The following DNAH17 variants were observed in gnomAD, a reference collection of about 807,000 sequenced individuals.
DNAH17 encodes the protein axonemal beta dynein heavy chain 17.
Under a neutral mutation model 485.6 loss-of-function variants are expected in DNAH17, and 376 were observed. The ratio of observed to expected loss-of-function variants is 0.77; its 90% CI spans 0.71 to 0.84. The LOEUF (loss-of-function observed/expected upper bound fraction) is 0.84, where lower values mean the gene tolerates loss of function less well. Ranked by LOEUF, DNAH17 falls within the 40% of genes least tolerant of loss-of-function variation. The probability of loss-of-function intolerance (pLI) is 0.00; values close to 1 mark genes in which losing one functional copy is unlikely to be tolerated. For synonymous variants in DNAH17, 3,031 were observed against 2,405.9 expected, an observed-to-expected ratio of 1.26 and a Z score of -7.60; for missense variants, 6,370 against 5,839.3, an observed-to-expected ratio of 1.09 and a Z score of -2.96.
chr17:78,503,344 A>T (rs1463503513), intron 31 of DNAH17, among the ~76,000 whole-genome samples: 4 of 129,390 alleles, frequency 3.1e-5, no homozygotes, highest in South Asian at 2.6e-4. Flanking sequence ...CACTCCCGGC[A>T]TTTTTTTTTT....
chr17:78,575,218 G>T, intron 1 of DNAH17, 136 bp from the exon 2 acceptor site: 1 of 699,606 alleles, frequency 1.4e-6, no homozygotes, highest in Non-Finnish European at 2.3e-6. Flanking sequence ...GCAGTTTTTA[G>T]CTGTGGTTGG....
At chr17:78,574,587 C>T (rs2092406945) in intron 2 of DNAH17, 126 bp downstream of exon 2, 1 of 825,428 alleles carries the variant, frequency 1.2e-6, no homozygotes, top group African/African-American at 1.7e-5. Context: ...GCCTGCATTT[C>T]CAATCCCTCC....
intron 16 of DNAH17, among the ~76,000 whole-genome samples, chr17:78,550,239 G>A (rs985340948): frequency 9.3e-6 from 1 of 108,042 alleles, no homozygotes; most frequent in African/African-American, 3.6e-5. Flanking sequence ...CACACGTCTG[G>A]ACACTTTGGT....
chr17:78,546,581 T>G (rs999740592), intron 16 of DNAH17, among the ~76,000 whole-genome samples: 3 of 152,196 alleles, frequency 2.0e-5, no homozygotes, highest in African/African-American at 4.8e-5. Context: ...TTAAGTTTAT[T>G]AAGTCTTTTA....
At chr17:78,480,298 C>G (rs111497361) in intron 49 of DNAH17, among the ~76,000 whole-genome samples, 4,752 of 151,928 alleles carry the variant, frequency 0.031, 231 homozygotes, top group African/African-American at 0.1. Context: ...GCAGTGAGCT[C>G]AGATCACACC....
intron 75 of DNAH17, among the ~76,000 whole-genome samples, chr17:78,432,703 G>A (rs571532538): frequency 6.6e-6 from 1 of 152,326 alleles, no homozygotes; most frequent in Middle Eastern, 3.4e-3. Context: ...GCATGCCTGG[G>A]GCTTAGTGGC....
At chr17:78,472,741 C>A (rs1045893749) in intron 54 of DNAH17, 1 of 454,960 alleles carries the variant, frequency 2.2e-6, no homozygotes, top group Non-Finnish European at 4.4e-6. Flanking sequence ...CCTCGCTGGC[C>A]CTGGTTTCCC....
rs374792858 is a variant in DNAH17, at chr17:78,492,633, C to G, written c.6541G>C (p.Gly2181Arg). Residue 2181 changes from glycine (G) to arginine (R), a missense_variant and splice_region_variant, in exon 42 of 81, where the codon GGC (glycine) becomes CGC (arginine). Gly to Arg is a moderately radical substitution (Grantham distance 125). Transcript: ENST00000389840. ...INPVTREWKD[G>R]LFSTIMRDLA... ...CCTGTCCCGGGACCACCCTCGTTAC[C>G]ATCTTTCCATTCCCTGGTCACTGGG... 3 of 1,613,566 alleles carry G rather than the reference C, an allele frequency of 1.9e-6. No individual in the cohort carries two copies. The highest frequency in any genetic ancestry group is 2.5e-6 in the Non-Finnish European group (3 of 1,179,744).
chr17:78,494,771 G>A lies in DNAH17; in HGVS notation c.6092C>T (p.Ala2031Val). The change falls in exon 40 of 81, where the codon GCC (alanine) becomes GTC (valine). Residue 2031 changes from alanine (A) to valine (V), a missense_variant. Ala to Val is a moderately conservative substitution (Grantham distance 64). Transcript: ENST00000389840. The stretch of plus-strand genomic sequence containing the variant: ...GGGGTCGCCCCTCTTCAGGGAGCCG[G>A]CCACCACCAGCACAGACTTGATGGC... ...LRAIKSVLVV[A>V]GSLKRGDPSR... The A allele has an allele frequency of 6.2e-7, 1 of 1,613,136 alleles. No individual in the cohort carries two copies. Among genetic ancestry groups the A allele is most frequent in the East Asian group, 2.2e-5 (1 of 44,884 alleles).
chr17:78,575,037 G>T lies in DNAH17; in HGVS notation c.21C>A (p.Val7=), dbSNP rs1397492256. The T allele has an allele frequency of 1.9e-6, 3 of 1,613,250 alleles. No individual in the cohort carries two copies. Among genetic ancestry groups the T allele is most frequent in the Non-Finnish European group, 2.5e-6 (3 of 1,179,608 alleles). MTMAPD[V]RLEYLEEVAS... is the part of the protein sequence containing the mutation. ...CAACTTCCTCCAGATACTCTAGTCTGACGTCCGGGGCCATTGTCATCTTGG... is the reference window on the plus strand; with the variant it reads ...CAACTTCCTCCAGATACTCTAGTCTTACGTCCGGGGCCATTGTCATCTTGG... Residue 7 remains valine (V), a synonymous_variant, in exon 2 of 81, where the codon GTC becomes GTA. Transcript: ENST00000389840.
rs566434807 is a variant in DNAH17 at position 78,437,884 on chromosome 17, G to C, written c.11806-16C>G. The C allele has an allele frequency of 6.3e-7, 1 of 1,591,666 alleles. No individual in the cohort carries two copies. Among genetic ancestry groups the C allele is most frequent in the Non-Finnish European group, 8.6e-7 (1 of 1,164,968 alleles). On this transcript the variant is annotated splice_polypyrimidine_tract_variant and intron_variant, in intron 73 of 80. Transcript: ENST00000389840. Reference sequence around the variant, plus strand: ...GGTGGATATTCTGCAGCCAAGACTAGAGGCTGGTTACACACTTTGCCCAGC... The same window carrying C: ...GGTGGATATTCTGCAGCCAAGACTACAGGCTGGTTACACACTTTGCCCAGC...
chr17:78,548,505 C>T lies in DNAH17; in HGVS notation c.2391+3030G>A, dbSNP rs145785762. Among the ~76,000 whole-genome samples the T allele has an allele frequency of 4.5e-3, 690 of 152,248 alleles. 8 individuals carry two copies. Among genetic ancestry groups the T allele is most frequent in the African/African-American group, 0.015 (605 of 41,548 alleles). On this transcript the variant is annotated intron_variant, in intron 16 of 80. Coordinates refer to ENST00000389840, the MANE Select transcript of DNAH17 (RefSeq NM_173628.4). ...ACGCATGAGCCACTGCACCCGGCCA[C>T]GGCCTTTTTAATTTAAGAAAAAATG... is the stretch of plus-strand genomic sequence containing the variant.
rs758125130 is a variant in DNAH17, at chr17:78,485,970, A to T, written c.7265T>A (p.Val2422Asp). The change falls in exon 46 of 81, where the codon GTC becomes GAC. Residue 2422 changes from valine (V) to aspartate (D), a missense_variant. Transcript: ENST00000389840. ...KVPSFELDPD[V>D]PLQASLVHTT... ...TTTGGGGACAGTTACCTGCAGTGGG[A>T]CATCGGGATCCAGCTCAAAGGAGGG... is the stretch of plus-strand genomic sequence containing the variant. 6 of 1,612,014 alleles carry T rather than the reference A, an allele frequency of 3.7e-6. No homozygotes were observed. The African/African-American group carries it at 6.7e-5, about 18-fold the overall frequency.
At position 78,505,401 on chromosome 17, in the gene DNAH17, C is replaced by T. The variant is rs748182182; in HGVS notation, c.4848G>A (p.Leu1616=). The T allele has an allele frequency of 6.2e-7, 1 of 1,614,006 alleles. No individual in the cohort carries two copies. The highest frequency in any genetic ancestry group is 1.3e-5 in the African/African-American group (1 of 75,048). The change falls in exon 31 of 81, where the codon CTG becomes CTA. Residue 1616 remains leucine (L), a synonymous_variant. Coordinates refer to ENST00000389840, the MANE Select transcript of DNAH17 (RefSeq NM_173628.4). ...TGTCACTGGCATCGAGCCGGAACTT[C>T]AGTTTACACAGGCTATCGAAGAGTT... ...LSKLFDSLCK[L]KFRLDASDKP...
At chr17:78,537,793 T>C (rs2091417460) in intron 18 of DNAH17, among the ~76,000 whole-genome samples, 1 of 152,230 alleles carries the variant, frequency 6.6e-6, no homozygotes, top group Non-Finnish European at 1.5e-5. Flanking sequence ...GGGAGTCACT[T>C]AACTCCCAGT....
Position 78,574,663 on chromosome 17 carries a change from G to A in DNAH17, c.345+50C>T, listed in dbSNP as rs371804761. 2.1e-4 allele frequency: 317 copies of A among 1,508,368 alleles called. 3 individuals carry two copies. In the South Asian group the frequency reaches 2.2e-3, roughly 10 times the overall value. 93.4% of individuals were successfully genotyped at this position (1,508,368 alleles called of 1,614,324 possible). ...AGCAGCAGGACTCAAGGCCGCTCCC[G>A]AGAAGTCGGTCGTGCTCGACACCCC... is the stretch of plus-strand genomic sequence containing the variant. On this transcript the variant is annotated intron_variant, in intron 2 of 80. Coordinates refer to ENST00000389840, the MANE Select transcript of DNAH17 (RefSeq NM_173628.4).
chr17:78,561,833 C>T lies in DNAH17; in HGVS notation c.1717G>A (p.Gly573Arg), dbSNP rs1164852994. The change falls in exon 12 of 81, where the codon GGG becomes AGG. Residue 573 changes from glycine to arginine, a missense_variant. Physicochemically the swap from Gly to Arg is moderately radical, Grantham distance 125. Transcript: ENST00000389840. Reference sequence around the variant, plus strand: ...TTTTTGTGGATCAGGGGGATGTTCCCCTCCTCGGAGGCCGCCATCTGGGCA... The same window carrying T: ...TTTTTGTGGATCAGGGGGATGTTCCTCTCCTCGGAGGCCGCCATCTGGGCA... ...YDAQMAASEE[G>R]NIPLIHKNMP... 6.2e-7 allele frequency: 1 copy of T among 1,613,910 alleles called. No homozygotes were observed. Among genetic ancestry groups the T allele is most frequent in the Non-Finnish European group, 8.5e-7 (1 of 1,179,866 alleles).
chr17:78,438,208 C>T (rs753405724), intron 73 of DNAH17, among the ~76,000 whole-genome samples: 10 of 151,464 alleles, frequency 6.6e-5, no homozygotes, highest in East Asian at 2.0e-4. Context: ...GGCTTCCCAC[C>T]GGGGCCAGGC....
In DNAH17 at chr17:78,567,111, C is replaced by A. The variant is rs778904420; in HGVS notation, c.1340G>T (p.Gly447Val). Residue 447 changes from glycine (G) to valine (V), a missense_variant, in exon 10 of 81, where the codon GGC (glycine) becomes GTC (valine). Physicochemically the swap from Gly to Val is moderately radical, Grantham distance 109. Transcript: ENST00000389840. ...FLKLEKIELG[G>V]VRGNLLGSLV... Reference sequence around the variant, plus strand: ...GCTCCCGAGGAGGTTCCCACGCACGCCCCCAAGCTCGATTTTCTCCAGCTT... The same window carrying A: ...GCTCCCGAGGAGGTTCCCACGCACGACCCCAAGCTCGATTTTCTCCAGCTT... 6.2e-7 allele frequency: 1 copy of A among 1,611,608 alleles called. No homozygotes were observed. Among genetic ancestry groups the A allele is most frequent in the Non-Finnish European group, 8.5e-7 (1 of 1,178,888 alleles).
Sources: gnomAD v4.1 joint callset for allele counts (sites outside exome capture counted in the v4.1 genomes callset) on GRCh38, gnomAD v4.1.1 for gene constraint, MANE v1.5 for transcripts, NCBI Gene and HGNC (gene_info 2026-07-23, HGNC 2026-07-21) for gene names.